GPC5: variants seen among roughly 807,000 people sequenced by gnomAD.
GPC5 encodes the protein glypican 5, also known as glypican-5.
Under a neutral mutation model 53.9 loss-of-function variants are expected in GPC5, and 47 were observed. That is an observed-to-expected ratio of 0.87 (90% confidence interval 0.69 to 1.11). GPC5 has a LOEUF of 1.11. Ranked by LOEUF, GPC5 falls within the 50% of genes most tolerant of loss-of-function variation. GPC5 has a pLI of 0.00. For synonymous variants in GPC5, 286 were observed against 263.3 expected (o/e 1.09, Z -0.84); for missense variants, 748 against 713.1 (o/e 1.05, Z -0.56).
intron 2 of GPC5, among the ~76,000 whole-genome samples, chr13:91,638,230 G>A (rs1454085094): frequency 6.6e-6 from 1 of 152,096 alleles, no homozygotes; most frequent in Non-Finnish European, 1.5e-5. Context: ...CTCAAGTCTA[G>A]TCACATATAC....
At chr13:92,275,655 G>T (rs1309387845) in intron 7 of GPC5, among the ~76,000 whole-genome samples, 1 of 151,992 alleles carries the variant, frequency 6.6e-6, no homozygotes, top group African/African-American at 2.4e-5. Context: ...TAGAAGAAGG[G>T]CCAAACCAAG....
chr13:92,090,855 T>C (rs7998953), intron 6 of GPC5, among the ~76,000 whole-genome samples: 68,730 of 152,082 alleles, frequency 0.45, 16,425 homozygotes, highest in East Asian at 0.79. Context: ...CAGTTCAAAA[T>C]ATCCAAAAAA....
rs540587121 is a variant in GPC5 at position 92,781,394 on chromosome 13, T to A, written c.1562-84888T>A. 8.5e-5 allele frequency among the ~76,000 whole-genome samples: 13 copies of A among 152,252 alleles called. No individual in the cohort carries two copies. The South Asian group carries it at 2.7e-3, about 32-fold the overall frequency. ...TTTCTGGATATCTGATACCTTTCTT[T>A]AAACACTTTAAAATTTCACTTATCC... is the stretch of plus-strand genomic sequence containing the variant. On this transcript the variant is annotated intron_variant, in intron 7 of 7. Transcript: ENST00000377067.
At chr13:92,799,232 C>T (rs951813692) in intron 7 of GPC5, among the ~76,000 whole-genome samples, 1 of 151,678 alleles carries the variant, frequency 6.6e-6, no homozygotes, top group Non-Finnish European at 1.5e-5. Context: ...GCCTGTTATC[C>T]AGAAAACATT....
At chr13:91,867,582 G>T (rs78982946) in intron 5 of GPC5, among the ~76,000 whole-genome samples, 5,505 of 152,292 alleles carry the variant, frequency 0.036, 155 homozygotes, top group Middle Eastern at 0.075. Flanking sequence ...GTGGTTTTCA[G>T]TGTGTTTGTC....
intron 2 of GPC5, among the ~76,000 whole-genome samples, chr13:91,479,598 A>G (rs1000611320): frequency 6.6e-6 from 1 of 152,170 alleles, no homozygotes; most frequent in African/African-American, 2.4e-5. Flanking sequence ...GAATAGCTAC[A>G]TATATAATGC....
Position 91,571,823 on chromosome 13 carries a change from A to ATATACACACGTATACGTGTGTG in GPC5, c.326-121360_326-121359insCACACGTATACGTGTGTGTATA, listed in dbSNP as rs1555325816. On this transcript the variant is annotated intron_variant, in intron 2 of 7. Coordinates refer to ENST00000377067, the MANE Select transcript of GPC5 (RefSeq NM_004466.6). ...TATATACACACACATACGTGTGTGT[A>ATATACACACGTATACGTGTGTG]TATATACACATATACTTGTGTGTAT... is the stretch of plus-strand genomic sequence containing the variant. Among the ~76,000 whole-genome samples the ATATACACACGTATACGTGTGTG allele has an allele frequency of 3.3e-4, 23 of 68,732 alleles. 6 individuals carry two copies. The highest frequency in any genetic ancestry group is 2.1e-3 in the African/African-American group (21 of 10,210). The allele number at this position is 68,732 out of a possible 152,430, so 45.1% of individuals were successfully genotyped here.
intron 7 of GPC5, among the ~76,000 whole-genome samples, chr13:92,195,299 G>T (rs1469651604): frequency 6.6e-6 from 1 of 152,078 alleles, no homozygotes; most frequent in South Asian, 2.1e-4. Context: ...CCTAATCAGC[G>T]TCTGGTATTA....
chr13:92,031,764 TTA>T (rs1352254355), intron 6 of GPC5, among the ~76,000 whole-genome samples: 22 of 97,080 alleles, frequency 2.3e-4, no homozygotes, highest in Non-Finnish European at 3.8e-4. Flanking sequence ...ATATTACATA[TTA>T]TATATAATAT....
chr13:92,006,542 A>G (rs1394389476), intron 6 of GPC5, among the ~76,000 whole-genome samples: 1 of 152,168 alleles, frequency 6.6e-6, no homozygotes, highest in East Asian at 1.9e-4. Flanking sequence ...CCTTTGTCTT[A>G]TACTAGGCTC....
chr13:92,667,152 TG>T (rs1397026019), intron 7 of GPC5, among the ~76,000 whole-genome samples: 6 of 152,180 alleles, frequency 3.9e-5, no homozygotes, highest in African/African-American at 1.4e-4. Context: ...TAGAACTGTC[TG>T]GGTTTCGAGG....
intron 7 of GPC5, among the ~76,000 whole-genome samples, chr13:92,742,560 T>G (rs1889133785): frequency 6.7e-6 from 1 of 148,876 alleles, no homozygotes; most frequent in Admixed American, 6.8e-5. Context: ...TAGTTTCTTT[T>G]GCTGTGCAGA....
intron 2 of GPC5, among the ~76,000 whole-genome samples, chr13:91,595,908 A>G (rs1259619080): frequency 6.6e-6 from 1 of 152,166 alleles, no homozygotes; most frequent in Non-Finnish European, 1.5e-5. Context: ...TTTTGGACTG[A>G]TTATCTATCT....
At chr13:92,395,541 T>G (rs954030765) in intron 7 of GPC5, among the ~76,000 whole-genome samples, 2 of 152,228 alleles carry the variant, frequency 1.3e-5, no homozygotes, top group Admixed American at 6.5e-5. Flanking sequence ...TGTCAAACCT[T>G]TATTCCATCT....
At chr13:92,096,550 A>C (rs1322141476) in intron 6 of GPC5, among the ~76,000 whole-genome samples, 1 of 152,182 alleles carries the variant, frequency 6.6e-6, no homozygotes, top group Non-Finnish European at 1.5e-5. Context: ...TGGTAGTGAG[A>C]GGTGGTACAT....
At chr13:91,995,463 C>T (rs1357846919) in intron 6 of GPC5, 1 of 152,142 alleles carries the variant, frequency 6.6e-6, no homozygotes, top group Admixed American at 6.5e-5. Context: ...GCTTCTAACA[C>T]TTACAGGCAG....
intron 6 of GPC5, among the ~76,000 whole-genome samples, chr13:91,923,782 G>A (rs1237793786): frequency 1.3e-5 from 2 of 152,068 alleles, no homozygotes; most frequent in Non-Finnish European, 2.9e-5. Flanking sequence ...AACCAGGCCT[G>A]AAACTTATTA....
chr13:92,668,726 C>T (rs2139201180), intron 7 of GPC5, among the ~76,000 whole-genome samples: 1 of 152,042 alleles, frequency 6.6e-6, no homozygotes, highest in Admixed American at 6.6e-5. Context: ...CTGTGGTCTT[C>T]TGTAACGGTT....
At chr13:91,861,297 G>T (rs2039025252) in intron 5 of GPC5, among the ~76,000 whole-genome samples, 1 of 152,136 alleles carries the variant, frequency 6.6e-6, no homozygotes, top group Non-Finnish European at 1.5e-5. Context: ...TATCAGTGAT[G>T]AACAAAGGGA....
Sources: gnomAD v4.1 joint callset for allele counts (sites outside exome capture counted in the v4.1 genomes callset) on GRCh38, gnomAD v4.1.1 for gene constraint, MANE v1.5 for transcripts, NCBI Gene and HGNC (gene_info 2026-07-23, HGNC 2026-07-21) for gene names.